The following ACACB variants were observed in gnomAD, a reference collection of about 807,000 sequenced individuals.
The protein encoded by ACACB is acetyl-CoA carboxylase beta, also known as acetyl-CoA carboxylase 2.
In ACACB, 209 loss-of-function variants were observed where a neutral mutation model predicts 278.8. The observed-to-expected ratio is 0.75, with a 90% CI of 0.67 to 0.84. ACACB has a LOEUF of 0.84. ACACB is among the 40% of genes least tolerant of loss of function. The probability of loss-of-function intolerance (pLI) is 0.00; values close to 1 mark genes in which losing one functional copy is unlikely to be tolerated. For missense variants in ACACB, 2,850 were observed against 3,269.0 expected (o/e 0.87, Z 3.13); for synonymous variants, 1,174 against 1,285.6 (o/e 0.91, Z 1.86).
At position 109,191,900 on chromosome 12, in the gene ACACB, C is replaced by G; in HGVS notation, c.2349C>G (p.Ala783=). 6.8e-6 allele frequency: 11 copies of G among 1,614,138 alleles called. No individual in the cohort carries two copies. The highest frequency in any genetic ancestry group is 9.3e-6 in the Non-Finnish European group (11 of 1,180,042). The change falls in exon 15 of 53, where the codon GCC becomes GCG. Residue 783 remains alanine (A), a synonymous_variant. Transcript: ENST00000338432. ...LGVVCGALNV[A]DAMFRTCMTD... ...TGGTATGCGGGGCCTTGAACGTGGC[C>G]GATGCGATGTTCAGAACGTGCATGA...
intron 29 of ACACB, 33 bp from the exon 30 acceptor site, chr12:109,233,715 C>G: frequency 6.3e-7 from 1 of 1,582,464 alleles, no homozygotes; most frequent in Non-Finnish European, 8.7e-7. Context: ...GGTCAGCAGC[C>G]CCTCAGCCCT....
intron 20 of ACACB, among the ~76,000 whole-genome samples, chr12:109,207,572 G>A (rs530355131): frequency 6.6e-6 from 1 of 152,350 alleles, no homozygotes; most frequent in Admixed American, 6.5e-5. Context: ...GCTCATAGCA[G>A]TGACTAAGCA....
At chr12:109,215,713 C>T (rs766201808) in intron 22 of ACACB, among the ~76,000 whole-genome samples, 29 of 151,946 alleles carry the variant, frequency 1.9e-4, no homozygotes, top group Non-Finnish European at 3.7e-4. Context: ...TGCAGTGAGC[C>T]GAGAATCGTG....
At chr12:109,148,352 T>C (rs76821554) in intron 2 of ACACB, among the ~76,000 whole-genome samples, 1,804 of 152,298 alleles carry the variant, frequency 0.012, 34 homozygotes, top group African/African-American at 0.041. Flanking sequence ...AGTGGGCCTA[T>C]GATGAGACAC....
intron 47 of ACACB, chr12:109,260,126 C>T (rs1169434474): frequency 7.2e-7 from 1 of 1,381,096 alleles, no homozygotes; most frequent in Non-Finnish European, 9.6e-7. Flanking sequence ...TGCCCATGCA[C>T]ATTGGGGAAG....
At position 109,262,360 on chromosome 12, in the gene ACACB, T is replaced by A. The variant is rs2047401408; in HGVS notation, c.6678T>A (p.Gly2226=). 1 of 1,612,056 alleles carries A rather than the reference T, an allele frequency of 6.2e-7. No individual in the cohort carries two copies. The highest frequency in any genetic ancestry group is 8.5e-7 in the Non-Finnish European group (1 of 1,179,032). ...IEMYADKESR[G]GVLEPEGTVE... is the part of the protein sequence containing the mutation. ...TCCCTGCCTCTTCTCTTTTAAGGGGTGGTGTTCTGGAACCAGAGGGGACAG... is the reference window on the plus strand; with the variant it reads ...TCCCTGCCTCTTCTCTTTTAAGGGGAGGTGTTCTGGAACCAGAGGGGACAG... Residue 2226 remains glycine, a synonymous_variant, in exon 49 of 53, where the codon GGT becomes GGA. Transcript: ENST00000338432.
chr12:109,167,193 G>A, intron 3 of ACACB, 200 bp downstream of exon 3: 1 of 638,192 alleles, frequency 1.6e-6, no homozygotes, highest in Non-Finnish European at 2.6e-6. Flanking sequence ...GCTATTGTGA[G>A]GATGAAATGA....
At chr12:109,264,964 A>G in intron 50 of ACACB, 146 bp from the exon 51 acceptor site, 2 of 894,328 alleles carry the variant, frequency 2.2e-6, no homozygotes, top group Non-Finnish European at 1.7e-6. Flanking sequence ...CTCCTCCCTG[A>G]GCCTCAGCTT....
chr12:109,248,916 TG>T (rs2047021792), intron 40 of ACACB: 1 of 152,086 alleles, frequency 6.6e-6, no homozygotes, highest in African/African-American at 2.4e-5. Flanking sequence ...TGATTGTGAA[TG>T]GGTTTCCTCT....
At position 109,252,148 on chromosome 12, in the gene ACACB, C is replaced by G. The variant is rs772121085; in HGVS notation, c.5893C>G (p.Leu1965Val). Residue 1965 changes from leucine to valine, a missense_variant, in exon 42 of 53, where the codon CTC (leucine) becomes GTC (valine). Transcript: ENST00000338432. ...CATCATCCTCACAGGAGCAAGTGCT[C>G]TCAACAAGGTGACCAAAAAGGGGCC... Reference protein sequence around the residue: ...SHIILTGASALNKVLGREVYT... With the variant: ...SHIILTGASAVNKVLGREVYT... The G allele has an allele frequency of 1.9e-6, 3 of 1,610,016 alleles. No homozygotes were observed. The South Asian group carries it at 3.3e-5, about 18-fold the overall frequency.
chr12:109,262,394 A>G lies in ACACB; in HGVS notation c.6712A>G (p.Lys2238Glu). The G allele has an allele frequency of 1.2e-6, 2 of 1,613,656 alleles. No individual in the cohort carries two copies. The highest frequency in any genetic ancestry group is 1.7e-6 in the Non-Finnish European group (2 of 1,179,804). ...GGAACCAGAGGGGACAGTGGAGATTAAGTTCCGAAAGAAAGATCTGATAAA... is the reference window on the plus strand; with the variant it reads ...GGAACCAGAGGGGACAGTGGAGATTGAGTTCCGAAAGAAAGATCTGATAAA... Reference protein sequence around the residue: ...VLEPEGTVEIKFRKKDLIKSM... With the variant: ...VLEPEGTVEIEFRKKDLIKSM... Residue 2238 changes from lysine (K) to glutamate (E), a missense_variant, in exon 49 of 53, where the codon AAG becomes GAG. By Grantham distance (56) the Lys-to-Glu change is moderately conservative. Around this residue, in one of 3 missense-constraint regions of ACACB, gnomAD observed 579 missense variants for 684.6 expected, o/e 0.85. Transcript: ENST00000338432.
rs386377714 is a variant in ACACB, at chr12:109,140,890, C to CTT, written c.653+855_653+856dup. ...CTGAAGAGACATTGATTCATTCATTCTTTTTTTTTTTTTTTTTTTTTTTTG... is the reference window on the plus strand; with the variant it reads ...CTGAAGAGACATTGATTCATTCATTCTTTTTTTTTTTTTTTTTTTTTTTTTTG... On this transcript the variant is annotated intron_variant, in intron 2 of 52. Transcript: ENST00000338432. Among the ~76,000 whole-genome samples, 640 of 86,668 alleles carry CTT rather than the reference C, an allele frequency of 7.4e-3. 6 individuals are homozygous for CTT. Among genetic ancestry groups the CTT allele is most frequent in the Middle Eastern group, 0.026 (3 of 114 alleles). 56.9% of individuals were successfully genotyped at this position (86,668 alleles called of 152,430 possible). A position where few individuals can be genotyped will look rare whatever the true frequency, so the allele number is the denominator to read the frequency against.
chr12:109,136,282 A>G (rs1255604002), intron 1 of ACACB, among the ~76,000 whole-genome samples: 1 of 152,190 alleles, frequency 6.6e-6, no homozygotes, highest in African/African-American at 2.4e-5. Context: ...GGAAATGTGA[A>G]TCTTCAAACA....
intron 24 of ACACB, among the ~76,000 whole-genome samples, chr12:109,221,899 G>GGGT (rs1555225765): frequency 6.7e-6 from 1 of 149,718 alleles, no homozygotes; most frequent in African/African-American, 2.5e-5. Flanking sequence ...TTTTTTGGGG[G>GGGT]GGAGACAGAG....
intron 21 of ACACB, among the ~76,000 whole-genome samples, chr12:109,210,201 A>ATATATACACACGTGTGTG (rs1565927021): frequency 7.4e-5 from 1 of 13,568 alleles, no homozygotes; most frequent in Non-Finnish European, 1.5e-4. Context: ...GTGTATATGT[A>ATATATACACACGTGTGTG]TATATGTATA....
intron 11 of ACACB, among the ~76,000 whole-genome samples, chr12:109,182,281 G>A (rs1425669099): frequency 1.3e-5 from 2 of 152,246 alleles, no homozygotes; most frequent in African/African-American, 2.4e-5. Context: ...TTTGCCATTC[G>A]TATGTCTTCT....
chr12:109,114,760 GA>G (rs1265422352), upstream of ACACB, among the ~76,000 whole-genome samples: 2 of 152,008 alleles, frequency 1.3e-5, no homozygotes, highest in African/African-American at 4.8e-5. Flanking sequence ...GCTGAGGCAG[GA>G]GGATCATTTG....
At chr12:109,125,358 C>T (rs2042654461) in intron 1 of ACACB, 1 of 152,248 alleles carries the variant, frequency 6.6e-6, no homozygotes, top group African/African-American at 2.4e-5. Context: ...TACATTTCTG[C>T]CCCAGCCCTA....
chr12:109,182,215 T>C (rs2044501423), intron 11 of ACACB, among the ~76,000 whole-genome samples: 1 of 152,150 alleles, frequency 6.6e-6, no homozygotes, highest in Non-Finnish European at 1.5e-5. Flanking sequence ...CTCATTGTGG[T>C]TTTGATTTGC....
Sources: allele counts gnomAD v4.1 joint callset (sites outside exome capture counted in the v4.1 genomes callset), GRCh38; gene constraint gnomAD v4.1.1; regional missense constraint gnomAD v4.1.1; transcripts MANE v1.5; gene names NCBI Gene and HGNC (gene_info 2026-07-23, HGNC 2026-07-21).